TCF4: variants seen among roughly 807,000 people sequenced by gnomAD.
The protein encoded by TCF4 is transcription factor 4, also known as SL3-3 enhancer factor 2.
In TCF4, 3 loss-of-function variants were observed where a neutral mutation model predicts 82.1. That is an observed-to-expected ratio of 0.04 (90% CI 0.02 to 0.09). The LOEUF (loss-of-function observed/expected upper bound fraction) is 0.09, where lower values mean the gene tolerates loss of function less well. TCF4 is among the 10% of genes least tolerant of loss of function. The probability of loss-of-function intolerance (pLI) is 1.00; values close to 1 mark genes in which losing one functional copy is unlikely to be tolerated. For synonymous variants in TCF4, 276 were observed against 309.6 expected, an observed-to-expected ratio of 0.89 and a Z score of 1.14; for missense variants, 518 against 852.7, an observed-to-expected ratio of 0.61 and a Z score of 4.89.
intron 2 of TCF4, among the ~76,000 whole-genome samples, chr18:55,605,568 T>C (rs986480702): frequency 2.0e-5 from 3 of 152,202 alleles, no homozygotes; most frequent in African/African-American, 7.2e-5. Flanking sequence ...ACATTGAACA[T>C]CTATCTACAT....
rs184150954 is a variant in TCF4 at position 55,281,516 on chromosome 18, A to G, written c.550-1860T>C. 5.7e-3 allele frequency among the ~76,000 whole-genome samples: 867 copies of G among 152,246 alleles called. 10 individuals are homozygous for G. The highest frequency in any genetic ancestry group is 0.02 in the African/African-American group (818 of 41,576). ...CTATGGAATATACCCAAATTTCAGA[A>G]ATCAATATATTTATTATAAAACTAA... is the stretch of plus-strand genomic sequence containing the variant. On this transcript the variant is annotated intron_variant, in intron 8 of 19. Transcript: ENST00000354452.
intron 13 of TCF4, among the ~76,000 whole-genome samples, chr18:55,257,815 C>A (rs2057210232): frequency 1.3e-5 from 2 of 152,094 alleles, no homozygotes; most frequent in South Asian, 4.1e-4. Context: ...GTTTTTAAAA[C>A]AATCTTTAGA....
chr18:55,290,524 G>C (rs928567606), intron 8 of TCF4, among the ~76,000 whole-genome samples: 7 of 152,172 alleles, frequency 4.6e-5, no homozygotes, highest in African/African-American at 1.7e-4. Flanking sequence ...GGAAAGCAGA[G>C]AAGGTATGAG....
At chr18:55,236,386 C>T (rs1231779917) in intron 15 of TCF4, among the ~76,000 whole-genome samples, 2 of 152,032 alleles carry the variant, frequency 1.3e-5, no homozygotes. Flanking sequence ...CACAAATTGG[C>T]CTCTTTGTAG....
rs1480215215 is a variant in TCF4 at position 55,240,307 on chromosome 18, A to G, written c.1351-5624T>C. On this transcript the variant is annotated intron_variant, in intron 15 of 19. Coordinates refer to ENST00000354452, the MANE Select transcript of TCF4 (RefSeq NM_001083962.2). ...TTTTCTCTGTTGTTTTTCCATTAAC[A>G]CAAAAGAAAAGCTGATGGGTTTTCA... Among the ~76,000 whole-genome samples the G allele has an allele frequency of 2.0e-5, 3 of 152,314 alleles. No homozygotes were observed. In the East Asian group the frequency reaches 5.8e-4, roughly 29 times the overall value.
At chr18:55,517,178 C>T (rs1389066242) in intron 3 of TCF4, among the ~76,000 whole-genome samples, 1 of 152,186 alleles carries the variant, frequency 6.6e-6, no homozygotes, top group Non-Finnish European at 1.5e-5. Flanking sequence ...GACTATGCCA[C>T]ATGACACGCT....
rs1198693569 is a variant in TCF4 at position 55,254,667 on chromosome 18, C to T, written c.1180G>A (p.Asp394Asn). The T allele has an allele frequency of 6.2e-7, 1 of 1,612,992 alleles. No individual in the cohort carries two copies. Among genetic ancestry groups the T allele is most frequent in the Non-Finnish European group, 8.5e-7 (1 of 1,179,592 alleles). Residue 394 changes from aspartate to asparagine, a missense_variant, in exon 15 of 20, where the codon GAT becomes AAT. Physicochemically the swap from Asp to Asn is conservative, Grantham distance 23. Coordinates refer to ENST00000354452, the MANE Select transcript of TCF4 (RefSeq NM_001083962.2). ...SRIEDRLERL[D>N]DAIHVLRNHA... Reference sequence around the variant, plus strand: ...TTCCGGAGAACATGAATAGCATCATCCAGTCTTTCTAAACGATCTTCAATT... The same window carrying T: ...TTCCGGAGAACATGAATAGCATCATTCAGTCTTTCTAAACGATCTTCAATT...
chr18:55,245,606 C>T (rs1482020491), intron 15 of TCF4, among the ~76,000 whole-genome samples: 3 of 152,200 alleles, frequency 2.0e-5, no homozygotes, highest in Non-Finnish European at 4.4e-5. Flanking sequence ...TATCATCAGG[C>T]AGTTTTCTTA....
At chr18:55,244,359 A>G (rs2052363019) in intron 15 of TCF4, among the ~76,000 whole-genome samples, 1 of 152,204 alleles carries the variant, frequency 6.6e-6, no homozygotes, top group African/African-American at 2.4e-5. Flanking sequence ...GTGTGTTTAA[A>G]GAGGAAATTC....
intron 5 of TCF4, among the ~76,000 whole-genome samples, chr18:55,445,256 C>T (rs548163526): frequency 5.3e-5 from 8 of 152,228 alleles, no homozygotes; most frequent in African/African-American, 1.9e-4. Flanking sequence ...GGATTGTATT[C>T]CAGCTTCACC....
chr18:55,422,179 C>CTTTTCTT, intron 5 of TCF4: 1 of 950,608 alleles, frequency 1.1e-6, no homozygotes, highest in Non-Finnish European at 1.2e-6. Flanking sequence ...CGAATACTTG[C>CTTTTCTT]TTTTCTTTCG....
intron 8 of TCF4, among the ~76,000 whole-genome samples, chr18:55,280,952 T>C (rs1028510806): frequency 2.0e-5 from 3 of 151,776 alleles, no homozygotes; most frequent in Non-Finnish European, 4.4e-5. Context: ...AAATAAATGC[T>C]ACACATGCCC....
intron 5 of TCF4, among the ~76,000 whole-genome samples, chr18:55,448,451 CCTGA>C (rs2095563648): frequency 1.3e-5 from 2 of 152,214 alleles, no homozygotes; most frequent in African/African-American, 2.4e-5. Context: ...TTGTACGTTG[CCTGA>C]CTAACGGACC....
At chr18:55,320,790 T>C (rs1480406902) in intron 8 of TCF4, 2 of 152,424 alleles carry the variant, frequency 1.3e-5, no homozygotes, top group African/African-American at 4.8e-5. Flanking sequence ...AAATTTTTGC[T>C]CCTCTATCAC....
At chr18:55,258,995 G>C (rs1311718169) in intron 13 of TCF4, among the ~76,000 whole-genome samples, 4 of 152,114 alleles carry the variant, frequency 2.6e-5, no homozygotes, top group Non-Finnish European at 5.9e-5. Flanking sequence ...ATACCACGGA[G>C]GCTTGGAAGA....
intron 10 of TCF4, among the ~76,000 whole-genome samples, 190 bp from the exon 11 acceptor site, chr18:55,270,153 T>C (rs2060040349): frequency 6.6e-6 from 1 of 152,136 alleles, no homozygotes; most frequent in Admixed American, 6.6e-5. Context: ...TACAGAAACA[T>C]AGCTTGGGTT....
intron 5 of TCF4, among the ~76,000 whole-genome samples, chr18:55,421,661 A>G (rs2094763058): frequency 6.6e-6 from 1 of 152,246 alleles, no homozygotes; most frequent in Non-Finnish European, 1.5e-5. Context: ...CAAACCTTTT[A>G]TTAAAACATC....
intron 5 of TCF4, among the ~76,000 whole-genome samples, chr18:55,441,606 G>A (rs555399572): frequency 1.3e-5 from 2 of 152,234 alleles, no homozygotes; most frequent in Admixed American, 1.3e-4. Context: ...AGAACAGCTT[G>A]AGCTAGATGG....
At chr18:55,250,404 G>A (rs1427490532) in intron 15 of TCF4, among the ~76,000 whole-genome samples, 3 of 152,194 alleles carry the variant, frequency 2.0e-5, no homozygotes, top group Admixed American at 2.0e-4. Context: ...CACTTATCAA[G>A]TTTTGAAAAT....
Sources: gnomAD v4.1 joint callset for allele counts (sites outside exome capture counted in the v4.1 genomes callset) on GRCh38, gnomAD v4.1.1 for gene constraint, MANE v1.5 for transcripts, NCBI Gene and HGNC (gene_info 2026-07-23, HGNC 2026-07-21) for gene names.